RPS6KC1: variants seen among roughly 807,000 people sequenced by gnomAD.
RPS6KC1 encodes ribosomal protein S6 kinase C1.
A neutral mutation model predicts 103.8 loss-of-function variants in RPS6KC1; 54 were observed. That is an observed-to-expected ratio of 0.52 (90% CI 0.42 to 0.65). RPS6KC1 has a LOEUF of 0.65. Among genes scored for constraint, RPS6KC1 ranks in the 30% least tolerant of loss-of-function variants. The pLI, the probability that RPS6KC1 is intolerant of heterozygous loss-of-function variation, is 0.00. For synonymous variants in RPS6KC1, 439 were observed against 438.7 expected (o/e 1.00, Z -0.01); for missense variants, 1,151 against 1,253.8 (o/e 0.92, Z 1.24).
chr1:213,129,573 T>G lies in RPS6KC1; in HGVS notation c.519T>G (p.Asp173Glu), dbSNP rs200064577. 6.2e-7 allele frequency: 1 copy of G among 1,613,642 alleles called. No individual in the cohort carries two copies. Among genetic ancestry groups the G allele is most frequent in the Non-Finnish European group, 8.5e-7 (1 of 1,179,668 alleles). Residue 173 changes from aspartate to glutamate, a missense_variant, in exon 6 of 15, where the codon GAT becomes GAG. Asp to Glu is a conservative substitution (Grantham distance 45). Around this residue, in one of 3 missense-constraint regions of RPS6KC1, gnomAD observed 959 missense variants for 1,006.3 expected, o/e 0.95. Coordinates refer to ENST00000366960, the MANE Select transcript of RPS6KC1 (RefSeq NM_012424.6). ...SDLVSLTVDV[D>E]SLAELDDGMA... ...TGGTATCTCTTACTGTTGATGTGGA[T>G]TCTCTTGCTGAGTTAGATGATGGAA... is the stretch of plus-strand genomic sequence containing the variant.
intron 8 of RPS6KC1, among the ~76,000 whole-genome samples, chr1:213,222,491 A>G (rs959755508): frequency 6.6e-6 from 1 of 152,124 alleles, no homozygotes; most frequent in Admixed American, 6.5e-5. Flanking sequence ...AATGCTCTTG[A>G]TGGTGCAGCT....
At chr1:213,575,187 T>C in the RPS6KC1 span, among the ~76,000 whole-genome samples, 1 of 152,166 alleles carries the variant, frequency 6.6e-6, no homozygotes, top group African/African-American at 2.4e-5. Flanking sequence ...TATTATGATG[T>C]CATGAGTGTA....
At chr1:213,186,145 A>G (rs772471238) in intron 8 of RPS6KC1, among the ~76,000 whole-genome samples, 3 of 151,284 alleles carry the variant, frequency 2.0e-5, no homozygotes, top group South Asian at 2.1e-4. Context: ...TAACAGTAGT[A>G]TAGGATTCTG....
chr1:213,247,127 T>C (rs1332376787), intron 12 of RPS6KC1, among the ~76,000 whole-genome samples: 1 of 152,220 alleles, frequency 6.6e-6, no homozygotes, highest in African/African-American at 2.4e-5. Context: ...TGAATACTTT[T>C]CACACTTGAG....
intron 5 of RPS6KC1, among the ~76,000 whole-genome samples, chr1:213,123,738 A>G (rs1040247747): frequency 6.6e-6 from 1 of 152,156 alleles, no homozygotes; most frequent in Non-Finnish European, 1.5e-5. Flanking sequence ...CGCATGAGTC[A>G]TTGCTACTAG....
chr1:213,462,620 T>C, the RPS6KC1 span, among the ~76,000 whole-genome samples: 1 of 152,190 alleles, frequency 6.6e-6, no homozygotes, highest in Non-Finnish European at 1.5e-5. Context: ...TGGATGAAGC[T>C]GGAAACCATC....
At chr1:213,221,035 C>G (rs2093818620) in intron 8 of RPS6KC1, among the ~76,000 whole-genome samples, 1 of 152,028 alleles carries the variant, frequency 6.6e-6, no homozygotes, top group African/African-American at 2.4e-5. Context: ...AAAAACAGGC[C>G]TTTCAAAACA....
At chr1:213,465,727 C>T in the RPS6KC1 span, among the ~76,000 whole-genome samples, 228 of 152,242 alleles carry the variant, frequency 1.5e-3, no homozygotes, top group Middle Eastern at 0.01. Flanking sequence ...GGACTCTAAT[C>T]GGTATTTTTG....
chr1:213,226,222 CAAAA>C (rs11442353), intron 8 of RPS6KC1, among the ~76,000 whole-genome samples: 1 of 127,520 alleles, frequency 7.8e-6, no homozygotes, highest in Non-Finnish European at 1.6e-5. Flanking sequence ...GACTCTGTCT[CAAAA>C]AAAAAAAAAA....
rs116804986 is a variant in RPS6KC1 at position 213,267,501 on chromosome 1, G to A, written c.3090+4685G>A. ...AATGTCCTGTTTTCAGTGAAGTGTA[G>A]TGTAAGACATACACAAAAACAAAAA... On this transcript the variant is annotated intron_variant, in intron 14 of 14. Coordinates refer to ENST00000366960, the MANE Select transcript of RPS6KC1 (RefSeq NM_012424.6). Among the ~76,000 whole-genome samples, 856 of 152,024 alleles carry A rather than the reference G, an allele frequency of 5.6e-3. 11 individuals are homozygous for A. Among genetic ancestry groups the A allele is most frequent in the African/African-American group, 0.017 (717 of 41,502 alleles).
chr1:213,448,064 T>C, the RPS6KC1 span, among the ~76,000 whole-genome samples: 1 of 151,358 alleles, frequency 6.6e-6, no homozygotes, highest in Non-Finnish European at 1.5e-5. Flanking sequence ...GAGACTCCCA[T>C]CTCTACAAAA....
At chr1:213,529,098 T>C in the RPS6KC1 span, among the ~76,000 whole-genome samples, 1 of 152,046 alleles carries the variant, frequency 6.6e-6, no homozygotes, top group South Asian at 2.1e-4. Flanking sequence ...TATGATCCAC[T>C]GGAAGAGACC....
intron 6 of RPS6KC1, among the ~76,000 whole-genome samples, chr1:213,145,967 GTTTTTTTTT>G (rs71573864): frequency 7.1e-4 from 34 of 47,836 alleles, no homozygotes; most frequent in African/African-American, 2.0e-3. Flanking sequence ...CATTCATTCT[GTTTTTTTTT>G]TTTTTTTTTT....
the RPS6KC1 span, among the ~76,000 whole-genome samples, chr1:213,561,924 T>G: frequency 6.6e-6 from 1 of 152,188 alleles, no homozygotes; most frequent in Admixed American, 6.5e-5. Flanking sequence ...GGAGGTCAGT[T>G]GTTGGGGGCA....
the RPS6KC1 span, among the ~76,000 whole-genome samples, chr1:213,656,181 G>T: frequency 1.3e-5 from 2 of 152,174 alleles, no homozygotes; most frequent in Admixed American, 6.5e-5. Flanking sequence ...CACAAAGCAG[G>T]TCACAGAATC....
chr1:213,098,232 CA>C (rs2081648657), intron 3 of RPS6KC1, among the ~76,000 whole-genome samples: 1 of 151,956 alleles, frequency 6.6e-6, no homozygotes, highest in Non-Finnish European at 1.5e-5. Context: ...CCTCCCTCCT[CA>C]GCCTCCTGAA....
At chr1:213,720,531 A>G in the RPS6KC1 span, among the ~76,000 whole-genome samples, 32 of 152,330 alleles carry the variant, frequency 2.1e-4, no homozygotes, top group African/African-American at 7.7e-4. Flanking sequence ...AACTCATTAT[A>G]GGTAGAGGAT....
the RPS6KC1 span, among the ~76,000 whole-genome samples, chr1:213,547,161 A>G: frequency 6.6e-6 from 1 of 152,148 alleles, no homozygotes; most frequent in African/African-American, 2.4e-5. Flanking sequence ...CATCATATTA[A>G]AGGTACCTGC....
At chr1:213,811,826 TGAG>T in the RPS6KC1 span, among the ~76,000 whole-genome samples, 1 of 152,172 alleles carries the variant, frequency 6.6e-6, no homozygotes, top group African/African-American at 2.4e-5. Context: ...CTGTAGGAAA[TGAG>T]GAGCCATTGA....
Sources: allele counts gnomAD v4.1 joint callset (sites outside exome capture counted in the v4.1 genomes callset), GRCh38; gene constraint gnomAD v4.1.1; regional missense constraint gnomAD v4.1.1; transcripts MANE v1.5; gene names NCBI Gene and HGNC (gene_info 2026-07-23, HGNC 2026-07-21).